The following ZNF804A variants were observed in gnomAD, a reference collection of about 807,000 sequenced individuals.
The protein encoded by ZNF804A is zinc finger protein 804A.
ZNF804A carries 2 observed loss-of-function variants against 16.5 expected under a neutral mutation model. That is an observed-to-expected ratio of 0.12 (90% confidence interval 0.05 to 0.38). ZNF804A has a LOEUF of 0.38. ZNF804A is among the 10% of genes least tolerant of loss of function. The pLI, the probability that ZNF804A is intolerant of heterozygous loss-of-function variation, is 0.99. For synonymous variants in ZNF804A, 534 were observed against 489.6 expected, an observed-to-expected ratio of 1.09 and a Z score of -1.20; for missense variants, 1,473 against 1,390.7, an observed-to-expected ratio of 1.06 and a Z score of -0.94.
chr2:184,733,949 C>A (rs1459969886), intron 1 of ZNF804A, among the ~76,000 whole-genome samples: 1 of 150,830 alleles, frequency 6.6e-6, no homozygotes, highest in Non-Finnish European at 1.5e-5. Context: ...TTTTGTTGAT[C>A]TTTTAAAGAA....
intron 1 of ZNF804A, among the ~76,000 whole-genome samples, chr2:184,645,537 G>C (rs1470644249): frequency 6.6e-6 from 1 of 151,904 alleles, no homozygotes; most frequent in Non-Finnish European, 1.5e-5. Context: ...AAGTTCCAGA[G>C]GGAAACTAGT....
intron 1 of ZNF804A, among the ~76,000 whole-genome samples, chr2:184,667,175 G>T (rs1447659826): frequency 2.6e-5 from 4 of 151,752 alleles, no homozygotes; most frequent in African/African-American, 9.7e-5. Context: ...AATAAATGTT[G>T]CCTTTAAGAC....
At chr2:184,637,330 T>G (rs1042293965) in intron 1 of ZNF804A, among the ~76,000 whole-genome samples, 1 of 152,170 alleles carries the variant, frequency 6.6e-6, no homozygotes, top group African/African-American at 2.4e-5. Flanking sequence ...CTGAGCATTA[T>G]TTTAAAAATG....
intron 1 of ZNF804A, among the ~76,000 whole-genome samples, chr2:184,652,260 GCAA>G (rs919013402): frequency 1.3e-5 from 2 of 151,890 alleles, no homozygotes; most frequent in African/African-American, 4.8e-5. Context: ...CATAAAGATG[GCAA>G]CAATAGAAAC....
intron 1 of ZNF804A, among the ~76,000 whole-genome samples, chr2:184,760,896 C>A (rs1429688318): frequency 2.6e-5 from 4 of 152,074 alleles, no homozygotes; most frequent in African/African-American, 9.7e-5. Context: ...TTTTCCAAAC[C>A]TCAATATTCT....
At chr2:184,687,296 C>T (rs1161860062) in intron 1 of ZNF804A, among the ~76,000 whole-genome samples, 1 of 152,094 alleles carries the variant, frequency 6.6e-6, no homozygotes, top group African/African-American at 2.4e-5. Context: ...AGTCATTGCT[C>T]GTTACTGTCG....
chr2:184,674,324 A>G (rs1189679345), intron 1 of ZNF804A, among the ~76,000 whole-genome samples: 2 of 152,060 alleles, frequency 1.3e-5, no homozygotes, highest in Non-Finnish European at 1.5e-5. Context: ...ATCTTAAAGC[A>G]TAAGAGAATA....
intron 1 of ZNF804A, among the ~76,000 whole-genome samples, chr2:184,602,362 A>T (rs1559104930): frequency 6.6e-6 from 1 of 152,012 alleles, no homozygotes; most frequent in Admixed American, 6.5e-5. Context: ...AACAAGAAAT[A>T]AGTGAATATT....
At chr2:184,830,641 G>T (rs1202301952) in intron 1 of ZNF804A, among the ~76,000 whole-genome samples, 1 of 152,048 alleles carries the variant, frequency 6.6e-6, no homozygotes, top group Non-Finnish European at 1.5e-5. Flanking sequence ...TGATCCTTTT[G>T]TCAGTTCATG....
intron 1 of ZNF804A, among the ~76,000 whole-genome samples, chr2:184,636,487 T>A (rs1691700510): frequency 6.8e-6 from 1 of 146,044 alleles, no homozygotes. Context: ...GGTAAATATT[T>A]GTGTTTTCTC....
intron 1 of ZNF804A, among the ~76,000 whole-genome samples, chr2:184,688,195 C>T (rs1692669166): frequency 6.6e-6 from 1 of 151,976 alleles, no homozygotes; most frequent in South Asian, 2.1e-4. Flanking sequence ...TAGCATAAAT[C>T]ATATATATTC....
intron 2 of ZNF804A, among the ~76,000 whole-genome samples, chr2:184,932,209 C>T (rs1241177776): frequency 1.3e-5 from 2 of 152,160 alleles, no homozygotes; most frequent in Non-Finnish European, 2.9e-5. Context: ...GTTCCAAAGT[C>T]ACTTCCACAT....
intron 1 of ZNF804A, among the ~76,000 whole-genome samples, chr2:184,683,679 CA>C (rs958842926): frequency 2.0e-5 from 3 of 151,748 alleles, no homozygotes; most frequent in Non-Finnish European, 2.9e-5. Flanking sequence ...GGAAGTGAGA[CA>C]AAAAAATTGT....
intron 1 of ZNF804A, among the ~76,000 whole-genome samples, chr2:184,717,617 T>G (rs778204287): frequency 2.5e-4 from 38 of 152,350 alleles, no homozygotes; most frequent in Non-Finnish European, 3.8e-4. Flanking sequence ...TTGCATTACA[T>G]GTAAGTTGGC....
At chr2:184,773,716 T>C (rs1233056391) in intron 1 of ZNF804A, among the ~76,000 whole-genome samples, 2 of 151,898 alleles carry the variant, frequency 1.3e-5, no homozygotes, top group African/African-American at 4.8e-5. Context: ...TGCTCGGTGA[T>C]GGATGCACCA....
chr2:184,773,078 A>G (rs568486790), intron 1 of ZNF804A, among the ~76,000 whole-genome samples: 1 of 150,350 alleles, frequency 6.7e-6, no homozygotes, highest in East Asian at 2.0e-4. Context: ...ACATACATGT[A>G]TATTTGGCCT....
chr2:184,865,296 G>A (rs960034872), intron 1 of ZNF804A, among the ~76,000 whole-genome samples: 2 of 151,756 alleles, frequency 1.3e-5, no homozygotes, highest in East Asian at 2.0e-4. Context: ...GTTTACACAC[G>A]GAAACATTGT....
chr2:184,920,021 A>C (rs1013414160), intron 2 of ZNF804A, among the ~76,000 whole-genome samples: 6 of 152,156 alleles, frequency 3.9e-5, no homozygotes, highest in African/African-American at 1.4e-4. Context: ...AGGCTGAGGC[A>C]GGAGAATCAG....
At chr2:184,609,498 T>A (rs968426892) in intron 1 of ZNF804A, among the ~76,000 whole-genome samples, 2 of 152,216 alleles carry the variant, frequency 1.3e-5, no homozygotes, top group Non-Finnish European at 2.9e-5. Context: ...TGATTGGGCT[T>A]CCATAACAAA....
Sources: gnomAD v4.1 joint callset for allele counts (sites outside exome capture counted in the v4.1 genomes callset) on GRCh38, gnomAD v4.1.1 for gene constraint, MANE v1.5 for transcripts, NCBI Gene and HGNC (gene_info 2026-07-23, HGNC 2026-07-21) for gene names.